Variants in AGBL1 observed in about 807,000 individuals in gnomAD.
AGBL1 encodes AGBL carboxypeptidase 1, also known as cytosolic carboxypeptidase 4.
AGBL1 carries 130 observed loss-of-function variants against 118.9 expected under a neutral mutation model. That is an observed-to-expected ratio of 1.09 (90% confidence interval 0.95 to 1.26). AGBL1 has a LOEUF of 1.26. Ranked by LOEUF, AGBL1 falls within the 50% of genes most tolerant of loss-of-function variation. The pLI is 0.00. For synonymous variants in AGBL1, 555 were observed against 478.9 expected, an observed-to-expected ratio of 1.16 and a Z score of -2.08; for missense variants, 1,584 against 1,298.1, an observed-to-expected ratio of 1.22 and a Z score of -3.38.
intron 1 of AGBL1, among the ~76,000 whole-genome samples, chr15:86,091,553 T>C (rs2141465531): frequency 6.6e-6 from 1 of 152,314 alleles, no homozygotes; most frequent in Admixed American, 6.5e-5. Context: ...TGCAAGGCAG[T>C]GAGTCATAAG....
intron 23 of AGBL1, among the ~76,000 whole-genome samples, chr15:86,925,118 A>AAC (rs2080518394): frequency 4.2e-5 from 3 of 71,852 alleles, no homozygotes; most frequent in Non-Finnish European, 1.0e-4. Flanking sequence ...GAAGAAGAAG[A>AAC]AGAAGAAGAG....
intron 21 of AGBL1, among the ~76,000 whole-genome samples, chr15:86,660,543 T>C (rs1458886033): frequency 6.6e-6 from 1 of 152,136 alleles, no homozygotes; most frequent in East Asian, 1.9e-4. Flanking sequence ...ATTGTATTAC[T>C]AATCCAATAT....
intron 18 of AGBL1, among the ~76,000 whole-genome samples, chr15:86,398,409 A>T (rs1261736410): frequency 3.3e-5 from 5 of 152,202 alleles, no homozygotes; most frequent in Admixed American, 3.3e-4. Context: ...AGGAATGGAC[A>T]TTCTATCCCA....
intron 22 of AGBL1, among the ~76,000 whole-genome samples, chr15:86,723,663 AAAAG>A (rs1008537342): frequency 3.3e-5 from 5 of 152,216 alleles, no homozygotes; most frequent in African/African-American, 1.2e-4. Flanking sequence ...AATAATAAAA[AAAAG>A]AAAACAAAGC....
chr15:86,669,158 A>C (rs1339229053), intron 21 of AGBL1, among the ~76,000 whole-genome samples: 2 of 151,440 alleles, frequency 1.3e-5, no homozygotes, highest in African/African-American at 4.8e-5. Flanking sequence ...ACAGGACTAC[A>C]CTACTGACAC....
At chr15:86,479,446 A>C (rs2082615990) in intron 18 of AGBL1, among the ~76,000 whole-genome samples, 1 of 152,238 alleles carries the variant, frequency 6.6e-6, no homozygotes, top group Admixed American at 6.5e-5. Flanking sequence ...TCTCAAAAGA[A>C]GACATTTATG....
At chr15:86,385,490 T>C (rs539991026) in intron 17 of AGBL1, among the ~76,000 whole-genome samples, 1 of 152,262 alleles carries the variant, frequency 6.6e-6, no homozygotes, top group South Asian at 2.1e-4. Context: ...CACACACACT[T>C]TGAAGTTTGA....
intron 21 of AGBL1, among the ~76,000 whole-genome samples, chr15:86,664,921 G>T (rs2085616038): frequency 6.6e-6 from 1 of 151,836 alleles, no homozygotes; most frequent in African/African-American, 2.4e-5. Flanking sequence ...AGAATGAGTG[G>T]CAAAAGCAAT....
downstream of AGBL1, among the ~76,000 whole-genome samples, chr15:86,918,994 ACT>A (rs1365102354): frequency 1.3e-5 from 2 of 151,874 alleles, no homozygotes; most frequent in African/African-American, 4.8e-5. Flanking sequence ...TCCCCTGGTG[ACT>A]CTATTTTTTT....
intron 22 of AGBL1, among the ~76,000 whole-genome samples, chr15:86,878,740 C>A (rs945356020): frequency 6.6e-6 from 1 of 152,194 alleles, no homozygotes; most frequent in African/African-American, 2.4e-5. Flanking sequence ...GCAGTAGGTG[C>A]TCGTTCAATG....
intron 21 of AGBL1, among the ~76,000 whole-genome samples, chr15:86,652,944 T>C (rs529816616): frequency 6.6e-6 from 1 of 152,300 alleles, no homozygotes; most frequent in South Asian, 2.1e-4. Context: ...TTGCACAATT[T>C]CTTGCAATGC....
At chr15:86,950,525 A>G (rs1050234944) in intron 23 of AGBL1, among the ~76,000 whole-genome samples, 3 of 150,746 alleles carry the variant, frequency 2.0e-5, no homozygotes, top group East Asian at 1.9e-4. Flanking sequence ...AAAAATATAT[A>G]TATGTATATA....
intron 17 of AGBL1, among the ~76,000 whole-genome samples, chr15:86,391,539 C>T (rs1281792466): frequency 6.6e-6 from 1 of 151,878 alleles, no homozygotes; most frequent in Non-Finnish European, 1.5e-5. Flanking sequence ...TGAAATCAAA[C>T]CTGCTCTCCT....
At chr15:86,334,710 C>T (rs1309175231) in intron 17 of AGBL1, among the ~76,000 whole-genome samples, 2 of 151,914 alleles carry the variant, frequency 1.3e-5, no homozygotes, top group African/African-American at 4.8e-5. Context: ...CCAAAGCAAT[C>T]GTAAGCAGAA....
intron 24 of AGBL1, among the ~76,000 whole-genome samples, chr15:86,988,613 T>A (rs946975773): frequency 6.6e-6 from 1 of 152,246 alleles, no homozygotes; most frequent in African/African-American, 2.4e-5. Context: ...TATCACTTTC[T>A]CTTTGTATTT....
chr15:86,278,987 G>T (rs2079303672), intron 15 of AGBL1, among the ~76,000 whole-genome samples: 1 of 152,212 alleles, frequency 6.6e-6, no homozygotes, highest in African/African-American at 2.4e-5. Flanking sequence ...TTGTACAGTG[G>T]AAAGAACAAA....
chr15:86,705,702 A>G (rs2086437767), intron 22 of AGBL1, among the ~76,000 whole-genome samples: 1 of 152,192 alleles, frequency 6.6e-6, no homozygotes. Context: ...TTGGTTGGCA[A>G]CAGGAAGCAT....
At chr15:86,537,621 T>C (rs1187567014) in intron 19 of AGBL1, among the ~76,000 whole-genome samples, 1 of 151,972 alleles carries the variant, frequency 6.6e-6, no homozygotes, top group Non-Finnish European at 1.5e-5. Flanking sequence ...GAATTGAGAG[T>C]TTTGTTATAT....
chr15:86,459,699 G>A (rs1394496963), intron 18 of AGBL1, among the ~76,000 whole-genome samples: 1 of 152,020 alleles, frequency 6.6e-6, no homozygotes, highest in Non-Finnish European at 1.5e-5. Context: ...CAACAACAGA[G>A]GCTCAGAAAG....
Sources: allele counts gnomAD v4.1 joint callset (sites outside exome capture counted in the v4.1 genomes callset), GRCh38; gene constraint gnomAD v4.1.1; transcripts MANE v1.5; gene names NCBI Gene and HGNC (gene_info 2026-07-23, HGNC 2026-07-21).